The following BCR variants were observed in gnomAD, a reference collection of about 807,000 sequenced individuals.
The protein encoded by BCR is breakpoint cluster region protein.
BCR carries 58 observed loss-of-function variants against 138.6 expected under a neutral mutation model. The observed-to-expected ratio is 0.42, with a 90% CI of 0.34 to 0.52. BCR has a LOEUF of 0.52. Ranked by LOEUF, BCR falls within the 20% of genes least tolerant of loss-of-function variation. The pLI, the probability that BCR is intolerant of heterozygous loss-of-function variation, is 0.06. For synonymous variants in BCR, 786 were observed against 730.1 expected (o/e 1.08, Z -1.23); for missense variants, 1,599 against 1,727.2 (o/e 0.93, Z 1.32).
intron 8 of BCR, chr22:23,283,658 G>C (rs2073676012): frequency 7.7e-6 from 2 of 258,104 alleles, no homozygotes; most frequent in East Asian, 9.7e-5. Context: ...TTGCTTGGCT[G>C]TGTGCCCCTT....
intron 1 of BCR, among the ~76,000 whole-genome samples, chr22:23,186,925 G>A (rs745996703): frequency 1.3e-5 from 2 of 152,144 alleles, no homozygotes; most frequent in East Asian, 1.9e-4. Context: ...CAGTAGAGAC[G>A]GGGTTTCGCC....
chr22:23,289,588 G>C lies in BCR; in HGVS notation c.2674G>C (p.Val892Leu). The C allele has an allele frequency of 6.2e-7, 1 of 1,614,150 alleles. No homozygotes were observed. Among genetic ancestry groups the C allele is most frequent in the Non-Finnish European group, 8.5e-7 (1 of 1,180,022 alleles). Residue 892 changes from valine to leucine, a missense_variant, in exon 13 of 23, where the codon GTC becomes CTC. Coordinates refer to ENST00000305877, the MANE Select transcript of BCR (RefSeq NM_004327.4). ...LTNSCVKLQT[V>L]HSIPLTINKE... ...CAACTCGTGTGTGAAACTCCAGACTGTCCACAGCATTCCGCTGACCATCAA... is the reference window on the plus strand; with the variant it reads ...CAACTCGTGTGTGAAACTCCAGACTCTCCACAGCATTCCGCTGACCATCAA...
chr22:23,263,051 T>G (rs545931625), intron 4 of BCR: 153 of 752,354 alleles, frequency 2.0e-4, no homozygotes, highest in Non-Finnish European at 3.0e-4. Context: ...GGGTCAGGGC[T>G]AGGCGGCGGG....
chr22:23,253,834 G>A lies in BCR; in HGVS notation c.1315G>A (p.Ala439Thr), dbSNP rs750641994. ...SFGTPPGYGC[A>T]ADRAEEQRRH... ...CGGAACACCACCTGGATACGGCTGC[G>A]CTGCAGACCGGGCAGAGGAGCAGCG... is the stretch of plus-strand genomic sequence containing the variant. The change falls in exon 2 of 23, where the codon GCT becomes ACT. Residue 439 changes from alanine to threonine, a missense_variant. This residue lies in a region of BCR where 590 missense variants were observed against 762.4 expected (regional missense o/e 0.77). Coordinates refer to ENST00000305877, the MANE Select transcript of BCR (RefSeq NM_004327.4). 4.0e-5 allele frequency: 65 copies of A among 1,612,870 alleles called. No homozygotes were observed. Among genetic ancestry groups the A allele is most frequent in the Middle Eastern group, 1.6e-4 (1 of 6,080 alleles).
At chr22:23,184,458 T>G (rs1390010962) in intron 1 of BCR, among the ~76,000 whole-genome samples, 1 of 152,052 alleles carries the variant, frequency 6.6e-6, no homozygotes, top group Non-Finnish European at 1.5e-5. Flanking sequence ...CCTCAGACAG[T>G]TTTTCTTTTT....
At chr22:23,273,382 A>G (rs1482931407) in intron 7 of BCR, among the ~76,000 whole-genome samples, 1 of 152,124 alleles carries the variant, frequency 6.6e-6, no homozygotes, top group African/African-American at 2.4e-5. Context: ...CCTGCCCTAG[A>G]TCCTTACAGA....
At chr22:23,200,276 A>G (rs555946491) in intron 1 of BCR, among the ~76,000 whole-genome samples, 1 of 152,188 alleles carries the variant, frequency 6.6e-6, no homozygotes, top group Non-Finnish European at 1.5e-5. Flanking sequence ...CCCTGACTGC[A>G]CTTTTTTCAG....
At chr22:23,190,113 T>TG (rs1486559779) in intron 1 of BCR, among the ~76,000 whole-genome samples, 3 of 152,148 alleles carry the variant, frequency 2.0e-5, no homozygotes, top group Non-Finnish European at 4.4e-5. Context: ...CCTCTGCACA[T>TG]GGTCTTTTTC....
rs755325608 is a variant in BCR, at chr22:23,311,694, C to T, written c.3183-3C>T. 1.6e-5 allele frequency: 25 copies of T among 1,599,416 alleles called. No homozygotes were observed. The highest frequency in any genetic ancestry group is 2.1e-5 in the Non-Finnish European group (25 of 1,170,356). ...ACACTGAGAACATTCCCTCCTCCCG[C>T]AGGAGAGAGAGGTCCAAGGTGCCCT... On this transcript the variant is annotated splice_region_variant and splice_polypyrimidine_tract_variant and intron_variant, in intron 18 of 22. Transcript: ENST00000305877.
At chr22:23,272,239 G>C (rs5759670) in intron 6 of BCR, among the ~76,000 whole-genome samples, 1 of 152,166 alleles carries the variant, frequency 6.6e-6, no homozygotes, top group Admixed American at 6.5e-5. Context: ...GGAAAGTGCT[G>C]TCAGGAATTG....
At chr22:23,198,450 G>C in intron 1 of BCR, 1 of 396,788 alleles carries the variant, frequency 2.5e-6, no homozygotes, top group Non-Finnish European at 4.8e-6. Context: ...CTGGGTTACT[G>C]CTGAACAGCT....
At chr22:23,193,229 A>G (rs1289164011) in intron 1 of BCR, among the ~76,000 whole-genome samples, 1 of 152,262 alleles carries the variant, frequency 6.6e-6, no homozygotes. Flanking sequence ...GAAGCAACCT[A>G]CAGGCAACAT....
At chr22:23,208,025 G>A (rs183619624) in intron 1 of BCR, among the ~76,000 whole-genome samples, 2 of 152,264 alleles carry the variant, frequency 1.3e-5, no homozygotes, top group East Asian at 3.9e-4. Flanking sequence ...CCTTTGCTTT[G>A]GCTCATTGGC....
intron 1 of BCR, among the ~76,000 whole-genome samples, chr22:23,215,195 A>G (rs1014284432): frequency 1.4e-4 from 22 of 152,244 alleles, no homozygotes; most frequent in African/African-American, 5.1e-4. Context: ...ATAATATTCC[A>G]TTATATGTCT....
At chr22:23,248,213 G>A (rs12627853) in intron 1 of BCR, among the ~76,000 whole-genome samples, 6,511 of 152,052 alleles carry the variant, frequency 0.043, 177 homozygotes, top group Middle Eastern at 0.11. Context: ...GTGTGGTGGC[G>A]CACGCTTGTA....
chr22:23,212,081 C>CCTCTGCAA (rs2072692039), intron 1 of BCR, among the ~76,000 whole-genome samples: 1 of 152,210 alleles, frequency 6.6e-6, no homozygotes, highest in Non-Finnish European at 1.5e-5. Context: ...CACTCTCTGA[C>CCTCTGCAA]CTCTGCAAGG....
intron 1 of BCR, among the ~76,000 whole-genome samples, chr22:23,220,526 T>C (rs12158031): frequency 0.034 from 5,115 of 152,300 alleles, 279 homozygotes; most frequent in African/African-American, 0.11. Context: ...CACCCAGGCT[T>C]GGTCTGCTAG....
chr22:23,198,654 G>T (rs2072510640), intron 1 of BCR, among the ~76,000 whole-genome samples: 1 of 152,168 alleles, frequency 6.6e-6, no homozygotes, highest in African/African-American at 2.4e-5. Context: ...TGCTGGTGGT[G>T]CCTGGGGCAG....
At chr22:23,280,761 A>G (rs2073634465) in intron 8 of BCR, among the ~76,000 whole-genome samples, 1 of 152,224 alleles carries the variant, frequency 6.6e-6, no homozygotes, top group Non-Finnish European at 1.5e-5. Context: ...TCAAGAAGAC[A>G]GGTGGCGTTT....
Sources: allele counts gnomAD v4.1 joint callset (sites outside exome capture counted in the v4.1 genomes callset), GRCh38; gene constraint gnomAD v4.1.1; regional missense constraint gnomAD v4.1.1; transcripts MANE v1.5; gene names NCBI Gene and HGNC (gene_info 2026-07-23, HGNC 2026-07-21).